Variants in ADCK5 observed in about 807,000 individuals in gnomAD.
ADCK5 encodes the protein aarF domain containing kinase 5.
ADCK5 carries 43 observed loss-of-function variants against 64.9 expected under a neutral mutation model. That is an observed-to-expected ratio of 0.66 (90% CI 0.52 to 0.85). ADCK5 has a LOEUF of 0.85. Ranked by LOEUF, ADCK5 falls within the 40% of genes least tolerant of loss-of-function variation. The probability of loss-of-function intolerance (pLI) is 0.00; values close to 1 mark genes in which losing one functional copy is unlikely to be tolerated. For synonymous variants in ADCK5, 434 were observed against 342.8 expected, an observed-to-expected ratio of 1.27 and a Z score of -2.94; for missense variants, 760 against 810.5, an observed-to-expected ratio of 0.94 and a Z score of 0.76.
chr8:144,392,708 C>T lies in ADCK5; in HGVS notation c.1520+11C>T, dbSNP rs1223507115. 19 of 1,590,520 alleles carry T rather than the reference C, an allele frequency of 1.2e-5. No homozygotes were observed. The highest frequency in any genetic ancestry group is 1.3e-5 in the African/African-American group (1 of 74,542). On this transcript the variant is annotated intron_variant, in intron 13 of 14. Transcript: ENST00000308860. ...CCTTATGGCTAAAAGGTCGGTGGCCCGAGGAGGCGCCCGGGCCGTGGTGGG... is the reference window on the plus strand; with the variant it reads ...CCTTATGGCTAAAAGGTCGGTGGCCTGAGGAGGCGCCCGGGCCGTGGTGGG...
chr8:144,389,831 CTT>C (rs1240504555), intron 3 of ADCK5, among the ~76,000 whole-genome samples: 24 of 136,058 alleles, frequency 1.8e-4, no homozygotes, highest in Non-Finnish European at 1.6e-4. Context: ...AGCCCAGCCT[CTT>C]TTTTTTTTTT....
In ADCK5 at chr8:144,383,219, G is replaced by T; in HGVS notation, c.255G>T (p.Gly85=). The T allele has an allele frequency of 1.3e-6, 2 of 1,582,360 alleles. No homozygotes were observed. Among genetic ancestry groups the T allele is most frequent in the South Asian group, 2.3e-5 (2 of 86,564 alleles). ...RRMRLVVDGM[G]RFGRSLKVGL... ...TGCGGCTCGTGGTGGATGGCATGGGGCGCTTTGGCAGGTAGGAGGGCCTGG... is the reference window on the plus strand; with the variant it reads ...TGCGGCTCGTGGTGGATGGCATGGGTCGCTTTGGCAGGTAGGAGGGCCTGG... Residue 85 remains glycine (G), a synonymous_variant, in exon 3 of 15, where the codon GGG becomes GGT. Coordinates refer to ENST00000308860, the MANE Select transcript of ADCK5 (RefSeq NM_174922.5).
intron 3 of ADCK5, among the ~76,000 whole-genome samples, chr8:144,385,208 G>A (rs1487485704): frequency 2.1e-5 from 3 of 146,062 alleles, no homozygotes; most frequent in East Asian, 2.0e-4. Flanking sequence ...TTTTTGAGAC[G>A]GAGTCTTGCT....
intron 1 of ADCK5, among the ~76,000 whole-genome samples, chr8:144,378,544 C>T (rs1464927956): frequency 1.3e-5 from 2 of 152,064 alleles, no homozygotes; most frequent in African/African-American, 4.8e-5. Context: ...TTTCCTGAGG[C>T]CTCTCAGTGG....
chr8:144,392,379 G>A (rs1215929767), intron 12 of ADCK5, 34 bp downstream of exon 12: 47 of 1,487,952 alleles, frequency 3.2e-5, no homozygotes, highest in Non-Finnish European at 3.9e-5. Context: ...GGGCACCACA[G>A]AAGGGAGTCG....
chr8:144,391,904 G>A (rs549271923), intron 9 of ADCK5, 37 bp from the exon 10 acceptor site: 2 of 1,610,280 alleles, frequency 1.2e-6, no homozygotes, highest in Non-Finnish European at 1.7e-6. Flanking sequence ...AGGGCGGGCT[G>A]GTGCTGTGTC....
chr8:144,381,762 A>T (rs1182485873), intron 2 of ADCK5, among the ~76,000 whole-genome samples: 4 of 131,368 alleles, frequency 3.0e-5, no homozygotes, highest in African/African-American at 1.2e-4. Context: ...GCAGAAACAG[A>T]TGTGTGCTCA....
rs1819844818 is a variant in ADCK5 at position 144,384,950 on chromosome 8, G to A, written c.266+1720G>A. On this transcript the variant is annotated intron_variant, in intron 3 of 14. Transcript: ENST00000308860. This position sits in a 1 kb window ranked among gnomAD's most constrained non-coding sequence, Gnocchi z 5.7. ...CAGGCCTGTGGAGCTTCCCTGGCAG[G>A]GCACAGGGTAGCCTGGGAACACATC... 6.6e-6 allele frequency among the ~76,000 whole-genome samples: 1 copy of A among 152,154 alleles called. No individual in the cohort carries two copies. The highest frequency in any genetic ancestry group is 1.5e-5 in the Non-Finnish European group (1 of 68,032).
chr8:144,374,934 C>A (rs1819306155), intron 1 of ADCK5, among the ~76,000 whole-genome samples: 1 of 152,244 alleles, frequency 6.6e-6, no homozygotes, highest in South Asian at 2.1e-4. Flanking sequence ...TACCCACCCC[C>A]TTCCAGAAGA....
chr8:144,392,747 T>C, intron 13 of ADCK5, 29 bp from the exon 14 acceptor site: 1 of 1,586,482 alleles, frequency 6.3e-7, no homozygotes, highest in Non-Finnish European at 8.6e-7. Flanking sequence ...GGTGTGGGGC[T>C]GACGCGGCGC....
At chr8:144,390,566 AG>A in intron 3 of ADCK5, 104 bp from the exon 4 acceptor site, 1 of 1,229,768 alleles carries the variant, frequency 8.1e-7, no homozygotes, top group South Asian at 1.3e-5. Context: ...TGGGACATGA[AG>A]GGCTGGCCGG....
At chr8:144,382,586 C>T (rs1419169053) in intron 2 of ADCK5, among the ~76,000 whole-genome samples, 2 of 152,204 alleles carry the variant, frequency 1.3e-5, no homozygotes, top group Admixed American at 1.3e-4. Flanking sequence ...GTATGGTGAT[C>T]CTACTATATT....
intron 3 of ADCK5, among the ~76,000 whole-genome samples, chr8:144,389,858 C>T (rs1820124600): frequency 6.7e-6 from 1 of 148,412 alleles, no homozygotes; most frequent in South Asian, 2.1e-4. Flanking sequence ...AACCGAGTTT[C>T]GCTCTTGTTG....
At chr8:144,389,995 A>AT (rs1317250460) in intron 3 of ADCK5, among the ~76,000 whole-genome samples, 1 of 150,654 alleles carries the variant, frequency 6.6e-6, no homozygotes, top group Non-Finnish European at 1.5e-5. Context: ...CACCCGGCTA[A>AT]TTTTTTTGTA....
intron 1 of ADCK5, among the ~76,000 whole-genome samples, chr8:144,374,791 C>T (rs1009358783): frequency 6.6e-6 from 1 of 152,114 alleles, no homozygotes; most frequent in African/African-American, 2.4e-5. Flanking sequence ...CAGGGGCGCG[C>T]CCCCCATGGC....
intron 12 of ADCK5, 37 bp from the exon 13 acceptor site, chr8:144,392,408 C>CA (rs2130735763): frequency 2.7e-6 from 4 of 1,490,388 alleles, no homozygotes; most frequent in Non-Finnish European, 8.9e-7. Context: ...GGAACCCACT[C>CA]AGAGCCCCCT....
At chr8:144,377,868 C>T (rs1819432880) in intron 1 of ADCK5, among the ~76,000 whole-genome samples, 1 of 152,350 alleles carries the variant, frequency 6.6e-6, no homozygotes, top group South Asian at 2.1e-4. Context: ...GTTGCCACTT[C>T]CTTCGGAGAT....
chr8:144,392,575 C>T lies in ADCK5; in HGVS notation c.1398C>T (p.Val466=). ...VDMARERFEA[V]MAVLRELPRP... ...TGGCCCGCGAGCGCTTCGAGGCCGT[C>T]ATGGCGGTGCTCAGGGAGCTGCCGC... Residue 466 remains valine (V), a synonymous_variant, in exon 13 of 15, where the codon GTC becomes GTT. Transcript: ENST00000308860. 1.3e-6 allele frequency: 2 copies of T among 1,575,920 alleles called. No individual in the cohort carries two copies. Among genetic ancestry groups the T allele is most frequent in the Non-Finnish European group, 8.6e-7 (1 of 1,166,222 alleles).
chr8:144,375,869 T>C (rs115926500), intron 1 of ADCK5, among the ~76,000 whole-genome samples: 1 of 152,200 alleles, frequency 6.6e-6, no homozygotes, highest in Non-Finnish European at 1.5e-5. Context: ...TCAGGTGTGT[T>C]GGGGGAAGGC....
Sources: allele counts gnomAD v4.1 joint callset (sites outside exome capture counted in the v4.1 genomes callset), GRCh38; gene constraint gnomAD v4.1.1; non-coding constraint Gnocchi (gnomAD v3.1); transcripts MANE v1.5; gene names NCBI Gene and HGNC (gene_info 2026-07-23, HGNC 2026-07-21).